Variants in TULP4 observed in about 807,000 individuals in gnomAD.
The protein encoded by TULP4 is tubby-related protein 4.
In TULP4, 16 loss-of-function variants were observed where a neutral mutation model predicts 129.0. The observed-to-expected ratio is 0.12, with a 90% CI of 0.08 to 0.19. The LOEUF (loss-of-function observed/expected upper bound fraction) is 0.19. Ranked by LOEUF, TULP4 falls within the 10% of genes least tolerant of loss-of-function variation. The pLI is 1.00. For synonymous variants in TULP4, 998 were observed against 854.0 expected, an observed-to-expected ratio of 1.17 and a Z score of -2.94; for missense variants, 1,842 against 2,059.1, an observed-to-expected ratio of 0.89 and a Z score of 2.04.
chr6:158,484,700 A>G (rs887347566), intron 8 of TULP4, among the ~76,000 whole-genome samples: 2 of 152,222 alleles, frequency 1.3e-5, no homozygotes, highest in Admixed American at 6.5e-5. Context: ...GCGAAAAGAC[A>G]GCTGTCTGCA....
Position 158,312,927 on chromosome 6 carries a change from C to T in TULP4, c.-1090C>T, listed in dbSNP as rs756158247. On this transcript the variant is annotated 5_prime_UTR_variant, in exon 1 of 14. Transcript: ENST00000367097. ...CTTTTGTTTTAAGGGATTAACTTCC[C>T]TGTCAAGTCCAAGAAGACTTGCGTA... 6.6e-6 allele frequency: 1 copy of T among 152,200 alleles called. No individual in the cohort carries two copies. 9.4% of individuals were successfully genotyped at this position (152,200 alleles called of 1,614,324 possible). A position where few individuals can be genotyped will look rare whatever the true frequency, so the allele number is the denominator to read the frequency against.
At chr6:158,372,881 C>T (rs1300969255) in intron 1 of TULP4, among the ~76,000 whole-genome samples, 1 of 152,182 alleles carries the variant, frequency 6.6e-6, no homozygotes, top group Admixed American at 6.5e-5. Flanking sequence ...ATAGCACACA[C>T]TATAGCAAAT....
chr6:158,257,322 T>C (rs1234549928), intron 1 of TULP4, among the ~76,000 whole-genome samples: 3 of 152,196 alleles, frequency 2.0e-5, no homozygotes, highest in African/African-American at 7.2e-5. Flanking sequence ...TTTATACGGC[T>C]GTCACATGTA....
chr6:158,422,917 G>T (rs1778382671), intron 2 of TULP4, among the ~76,000 whole-genome samples: 1 of 152,248 alleles, frequency 6.6e-6, no homozygotes, highest in Non-Finnish European at 1.5e-5. Context: ...AGGGCCGGAA[G>T]GCGCCCGAAT....
intron 1 of TULP4, among the ~76,000 whole-genome samples, chr6:158,267,211 G>T (rs9348217): frequency 0.33 from 49,980 of 151,910 alleles, 9,215 homozygotes; most frequent in Admixed American, 0.45. Flanking sequence ...ATTCATCTGG[G>T]TTTTTTTCTT....
rs71030170 is a variant in TULP4 at position 158,439,700 on chromosome 6, C to CTTTTTTTTTTT, written c.544-9277_544-9267dup. On this transcript the variant is annotated intron_variant, in intron 3 of 13. Coordinates refer to ENST00000367097, the MANE Select transcript of TULP4 (RefSeq NM_020245.5). ...CATGTAAGCTCTTGTACTAGAGTTT[C>CTTTTTTTTTTT]TTTTTTTTTTTTTTTTTTTTTTTTT... Among the ~76,000 whole-genome samples, 12 of 68,234 alleles carry CTTTTTTTTTTT rather than the reference C, an allele frequency of 1.8e-4. 2 individuals are homozygous for CTTTTTTTTTTT. Among genetic ancestry groups the CTTTTTTTTTTT allele is most frequent in the Admixed American group, 4.9e-4 (2 of 4,060 alleles). The allele number at this position is 68,234 out of a possible 152,430, so 44.8% of individuals were successfully genotyped here. A position where few individuals can be genotyped will look rare whatever the true frequency, so the allele number is the denominator to read the frequency against.
At chr6:158,460,327 T>G (rs1276412722) in intron 5 of TULP4, among the ~76,000 whole-genome samples, 2 of 152,174 alleles carry the variant, frequency 1.3e-5, no homozygotes, top group Non-Finnish European at 2.9e-5. Context: ...ATCTCTGAAA[T>G]ATGTGCCCAT....
At chr6:158,325,649 C>T (rs1480923404) in intron 1 of TULP4, among the ~76,000 whole-genome samples, 1 of 152,140 alleles carries the variant, frequency 6.6e-6, no homozygotes, top group African/African-American at 2.4e-5. Flanking sequence ...CCGCGCCCAG[C>T]CGAGGAACAG....
intron 5 of TULP4, among the ~76,000 whole-genome samples, chr6:158,456,630 G>A (rs989809668): frequency 2.0e-5 from 3 of 152,090 alleles, no homozygotes; most frequent in Admixed American, 6.5e-5. Flanking sequence ...TCAGGAGTTC[G>A]AGACTAGCCT....
chr6:158,429,608 A>C, intron 2 of TULP4, 128 bp from the exon 3 acceptor site: 1 of 1,032,304 alleles, frequency 9.7e-7, no homozygotes, highest in Non-Finnish European at 1.4e-6. Flanking sequence ...CTTTCAAATA[A>C]CATATGTTAT....
At chr6:158,430,971 T>A (rs1778615225) in intron 3 of TULP4, among the ~76,000 whole-genome samples, 1 of 152,148 alleles carries the variant, frequency 6.6e-6, no homozygotes, top group Non-Finnish European at 1.5e-5. Flanking sequence ...ACTATATATT[T>A]AATGTTTCCA....
At chr6:158,496,197 C>T (rs767866711) in intron 11 of TULP4, among the ~76,000 whole-genome samples, 30 of 152,248 alleles carry the variant, frequency 2.0e-4, no homozygotes, top group Non-Finnish European at 3.7e-4. Context: ...ATGTCGTACA[C>T]GTCTGTCTGC....
chr6:158,389,740 T>C (rs944410289), intron 1 of TULP4, among the ~76,000 whole-genome samples: 3 of 152,192 alleles, frequency 2.0e-5, no homozygotes, highest in African/African-American at 7.2e-5. Context: ...ATTGTGGACT[T>C]GGCCCAGTCA....
intron 1 of TULP4, among the ~76,000 whole-genome samples, chr6:158,235,934 C>T (rs1350829184): frequency 6.6e-6 from 1 of 152,180 alleles, no homozygotes; most frequent in African/African-American, 2.4e-5. Flanking sequence ...AATGAGGACC[C>T]ATGGGGGATA....
upstream of TULP4, among the ~76,000 whole-genome samples, chr6:158,281,468 G>C (rs1039526130): frequency 6.6e-6 from 1 of 152,092 alleles, no homozygotes. Flanking sequence ...TTACAGAACT[G>C]GCCTAAATGT....
intron 1 of TULP4, among the ~76,000 whole-genome samples, chr6:158,239,537 G>A (rs1208040012): frequency 5.0e-5 from 3 of 60,310 alleles, no homozygotes; most frequent in Non-Finnish European, 1.1e-4. Flanking sequence ...AAGGGCAGCC[G>A]GGCAGAGGCG....
At chr6:158,281,336 C>G (rs1778749338), upstream of TULP4, among the ~76,000 whole-genome samples, 1 of 152,044 alleles carries the variant, frequency 6.6e-6, no homozygotes. Context: ...GCCTCGGCCT[C>G]CCGAGTAGCT....
At chr6:158,389,529 C>T (rs927253529) in intron 1 of TULP4, among the ~76,000 whole-genome samples, 1 of 151,358 alleles carries the variant, frequency 6.6e-6, no homozygotes. Context: ...AGACAGCATA[C>T]TTTTTTTTTA....
At chr6:158,457,576 C>A (rs890117288) in intron 5 of TULP4, among the ~76,000 whole-genome samples, 1 of 152,144 alleles carries the variant, frequency 6.6e-6, no homozygotes, top group Non-Finnish European at 1.5e-5. Context: ...CTACTCTTTT[C>A]CTGAGTAGAA....
Sources: gnomAD v4.1 joint callset for allele counts (sites outside exome capture counted in the v4.1 genomes callset) on GRCh38, gnomAD v4.1.1 for gene constraint, MANE v1.5 for transcripts, NCBI Gene and HGNC (gene_info 2026-07-23, HGNC 2026-07-21) for gene names.